The following KNTC1 variants were observed in gnomAD, a reference collection of about 807,000 sequenced individuals.
The protein encoded by KNTC1 is kinetochore-associated protein 1.
In KNTC1, 253 loss-of-function variants were observed where a neutral mutation model predicts 314.4. The observed-to-expected ratio is 0.80, with a 90% CI of 0.73 to 0.89. The LOEUF (loss-of-function observed/expected upper bound fraction) is 0.89, where lower values mean the gene tolerates loss of function less well. KNTC1 is among the 40% of genes least tolerant of loss of function. The pLI is 0.00. For missense variants in KNTC1, 2,475 were observed against 2,572.9 expected (o/e 0.96, Z 0.82); for synonymous variants, 901 against 901.4 (o/e 1.00, Z 0.01).
chr12:122,531,697 A>G (rs368632802), intron 2 of KNTC1, among the ~76,000 whole-genome samples: 4 of 152,160 alleles, frequency 2.6e-5, no homozygotes, highest in South Asian at 4.1e-4. Flanking sequence ...CTGAAAGCAC[A>G]GTTTCTATAA....
chr12:122,549,780 G>T lies in KNTC1; in HGVS notation c.1002G>T (p.Met334Ile). 2.0e-6 allele frequency: 3 copies of T among 1,513,516 alleles called. No individual in the cohort carries two copies. The highest frequency in any genetic ancestry group is 1.4e-5 in the African/African-American group (1 of 72,948). The allele number at this position is 1,513,516 out of a possible 1,614,324, so 93.8% of individuals were successfully genotyped here. ...ASANKKMKNLMVYSLPTMEIL... is the reference protein window; with the variant it reads ...ASANKKMKNLIVYSLPTMEIL... ...ATTTTTCTTAGATGAAAAACCTCAT[G>T]GTTTATTCATTACCTACAATGGAAA... The change falls in exon 13 of 64, where the codon ATG becomes ATT. Residue 334 changes from methionine to isoleucine, a missense_variant. Physicochemically the swap from Met to Ile is conservative, Grantham distance 10. Coordinates refer to ENST00000333479, the MANE Select transcript of KNTC1 (RefSeq NM_014708.6).
intron 42 of KNTC1, among the ~76,000 whole-genome samples, chr12:122,592,233 T>C (rs938869572): frequency 2.5e-4 from 38 of 152,230 alleles, no homozygotes; most frequent in Non-Finnish European, 4.1e-4. Flanking sequence ...TGTGCTCGCT[T>C]TCTCGCCGGG....
At chr12:122,582,008 G>T (rs761550729) in intron 33 of KNTC1, among the ~76,000 whole-genome samples, 2 of 151,982 alleles carry the variant, frequency 1.3e-5, no homozygotes, top group Non-Finnish European at 2.9e-5. Context: ...ACTTTCTGTC[G>T]CTGTGAATTT....
At chr12:122,534,918 C>T in intron 3 of KNTC1, 134 bp downstream of exon 3, 1 of 850,244 alleles carries the variant, frequency 1.2e-6, no homozygotes, top group Non-Finnish European at 1.8e-6. Flanking sequence ...AGTAATTAAG[C>T]TTGAGTGCTT....
chr12:122,597,310 G>C, intron 43 of KNTC1: 2 of 159,790 alleles, frequency 1.3e-5, no homozygotes, highest in South Asian at 3.1e-4. Flanking sequence ...GTGCAGTGGT[G>C]CGATCTTGGC....
At chr12:122,622,003 A>C in intron 61 of KNTC1, 33 bp downstream of exon 61, 1 of 1,435,740 alleles carries the variant, frequency 7.0e-7, no homozygotes, top group Non-Finnish European at 9.7e-7. Flanking sequence ...TTTTGCTATG[A>C]AAATGTTGAT....
intron 43 of KNTC1, among the ~76,000 whole-genome samples, chr12:122,596,604 G>A (rs1188520394): frequency 6.6e-6 from 1 of 151,984 alleles, no homozygotes; most frequent in African/African-American, 2.4e-5. Context: ...ACTTTGAGGG[G>A]CCAAGGCAGG....
intron 13 of KNTC1, among the ~76,000 whole-genome samples, chr12:122,550,435 T>TA (rs1963114198): frequency 6.6e-6 from 1 of 150,840 alleles, no homozygotes. Flanking sequence ...GCCAATTACT[T>TA]TAAAGCTATT....
chr12:122,560,279 C>G (rs1963889199), intron 18 of KNTC1, among the ~76,000 whole-genome samples: 1 of 152,106 alleles, frequency 6.6e-6, no homozygotes, highest in African/African-American at 2.4e-5. Flanking sequence ...GTGAATAATT[C>G]TGCTATGAAC....
intron 27 of KNTC1, among the ~76,000 whole-genome samples, chr12:122,575,261 C>CA (rs1964936691): frequency 2.0e-5 from 3 of 150,652 alleles, no homozygotes; most frequent in Admixed American, 6.6e-5. Flanking sequence ...GACCCTGCCT[C>CA]AAAAAAACAA....
intron 39 of KNTC1, among the ~76,000 whole-genome samples, chr12:122,588,206 A>G (rs1869646922): frequency 6.6e-6 from 1 of 152,216 alleles, no homozygotes; most frequent in Non-Finnish European, 1.5e-5. Flanking sequence ...TGCAGTGTCC[A>G]CTATACCACA....
At chr12:122,537,421 A>ATT (rs1003496632) in intron 3 of KNTC1, among the ~76,000 whole-genome samples, 6 of 141,232 alleles carry the variant, frequency 4.2e-5, no homozygotes, top group South Asian at 2.2e-4. Flanking sequence ...TTTATCAGCT[A>ATT]TTTTTTTTTT....
chr12:122,554,861 G>C (rs1463972282), intron 16 of KNTC1, among the ~76,000 whole-genome samples: 1 of 152,182 alleles, frequency 6.6e-6, no homozygotes, highest in Non-Finnish European at 1.5e-5. Context: ...AGTAGACTTA[G>C]AAAATTGGTT....
chr12:122,571,493 GGA>G (rs1013883396), intron 24 of KNTC1, among the ~76,000 whole-genome samples: 18 of 151,966 alleles, frequency 1.2e-4, no homozygotes, highest in Non-Finnish European at 1.2e-4. Flanking sequence ...TGAGTAGCTG[GGA>G]CTACAGGTGC....
chr12:122,577,087 T>C, intron 30 of KNTC1, 58 bp downstream of exon 30: 8 of 1,371,484 alleles, frequency 5.8e-6, no homozygotes, highest in Non-Finnish European at 7.7e-6. Context: ...GTTGTTGTTG[T>C]TGTTTTTTGA....
rs1467779828 is a variant in KNTC1 at position 122,561,446 on chromosome 12, AT to A, written c.1489-472del. 2.6e-5 allele frequency among the ~76,000 whole-genome samples: 4 copies of A among 151,666 alleles called. No individual in the cohort carries two copies. The East Asian group carries it at 7.7e-4, about 29-fold the overall frequency. On this transcript the variant is annotated intron_variant, in intron 18 of 63. Coordinates refer to ENST00000333479, the MANE Select transcript of KNTC1 (RefSeq NM_014708.6). ...TGACCTATGAGTATTTTTGCTATTT[AT>A]TTATTTATTTGTAATTTTTTTTTTG... is the stretch of plus-strand genomic sequence containing the variant.
chr12:122,618,551 C>T lies in KNTC1; in HGVS notation c.6149+6C>T, dbSNP rs778555280. The T allele has an allele frequency of 6.9e-6, 11 of 1,589,590 alleles. No homozygotes were observed. In the East Asian group the frequency reaches 2.5e-4, roughly 36 times the overall value. ...AGTCTCATCGCTGTCCTCGAGTAAG[C>T]AAAATATTTGTTCTACCAAAAAAAA... On this transcript the variant is annotated splice_donor_region_variant and intron_variant, in intron 59 of 63. Transcript: ENST00000333479.
chr12:122,574,258 A>C, intron 26 of KNTC1, 24 bp from the exon 27 acceptor site: 3 of 1,402,736 alleles, frequency 2.1e-6, no homozygotes, highest in Non-Finnish European at 3.0e-6. Flanking sequence ...TTTTTAAAAA[A>C]CATACATGTT....
At chr12:122,591,870 C>G (rs1419429755) in intron 42 of KNTC1, among the ~76,000 whole-genome samples, 1 of 152,240 alleles carries the variant, frequency 6.6e-6, no homozygotes, top group Non-Finnish European at 1.5e-5. Flanking sequence ...GGGCAGTCCT[C>G]ACAGCCCTCG....
Sources: allele counts gnomAD v4.1 joint callset (sites outside exome capture counted in the v4.1 genomes callset), GRCh38; gene constraint gnomAD v4.1.1; transcripts MANE v1.5; gene names NCBI Gene and HGNC (gene_info 2026-07-23, HGNC 2026-07-21).